CDS2: variants seen among roughly 807,000 people sequenced by gnomAD.
The protein encoded by CDS2 is CDP-diacylglycerol synthase 2.
CDS2 carries 47 observed loss-of-function variants against 59.0 expected under a neutral mutation model. The observed-to-expected ratio is 0.80, with a 90% CI of 0.63 to 1.02. The LOEUF (loss-of-function observed/expected upper bound fraction) is 1.02, where lower values mean the gene tolerates loss of function less well. Among genes scored for constraint, CDS2 ranks in the 50% least tolerant of loss-of-function variants. CDS2 has a pLI of 0.00. For missense variants in CDS2, 356 were observed against 558.9 expected, an observed-to-expected ratio of 0.64 and a Z score of 3.66; for synonymous variants, 207 against 206.4, an observed-to-expected ratio of 1.00 and a Z score of -0.02.
intron 1 of CDS2, among the ~76,000 whole-genome samples, chr20:5,137,510 T>C (rs1176513138): frequency 6.6e-6 from 1 of 152,100 alleles, no homozygotes; most frequent in African/African-American, 2.4e-5. Context: ...CCCAAAGTGC[T>C]GAGATTACAG....
chr20:5,173,292 C>T (rs2090969628), intron 1 of CDS2, among the ~76,000 whole-genome samples: 1 of 152,232 alleles, frequency 6.6e-6, no homozygotes, highest in Non-Finnish European at 1.5e-5. Context: ...GCAGATGGTA[C>T]GCGGTGCAGA....
chr20:5,132,046 T>A (rs2090611793), intron 1 of CDS2, among the ~76,000 whole-genome samples: 1 of 152,282 alleles, frequency 6.6e-6, no homozygotes, highest in African/African-American at 2.4e-5. Context: ...TTAAGGAAAG[T>A]TTTATAGAAA....
chr20:5,181,145 T>TA (rs2091030926), intron 5 of CDS2, among the ~76,000 whole-genome samples: 1 of 152,220 alleles, frequency 6.6e-6, no homozygotes, highest in Non-Finnish European at 1.5e-5. Context: ...ACCAAGCTGA[T>TA]ACGGGGTCGG....
chr20:5,186,510 T>C (rs1334075229), intron 9 of CDS2, among the ~76,000 whole-genome samples, 177 bp from the exon 10 acceptor site: 1 of 141,404 alleles, frequency 7.1e-6, no homozygotes, highest in Non-Finnish European at 1.5e-5. Context: ...CATGAGCCTC[T>C]TTTTTTTTTT....
At chr20:5,161,754 A>G (rs1196375953) in intron 1 of CDS2, among the ~76,000 whole-genome samples, 1 of 152,162 alleles carries the variant, frequency 6.6e-6, no homozygotes, top group East Asian at 1.9e-4. Context: ...CTCATTTCCC[A>G]GTTGTCTCCA....
At chr20:5,188,432 T>TTATATA (rs1215120011) in intron 10 of CDS2, among the ~76,000 whole-genome samples, 1 of 152,204 alleles carries the variant, frequency 6.6e-6, no homozygotes, top group Non-Finnish European at 1.5e-5. Context: ...TGGATTTTCT[T>TTATATA]TATATACTTC....
intron 1 of CDS2, among the ~76,000 whole-genome samples, chr20:5,163,040 G>A (rs551300268): frequency 1.2e-4 from 18 of 152,280 alleles, no homozygotes; most frequent in Non-Finnish European, 2.2e-4. Flanking sequence ...CTGGGGTAAT[G>A]GATATTTGAA....
intron 1 of CDS2, among the ~76,000 whole-genome samples, chr20:5,130,865 G>A (rs1210933474): frequency 1.3e-5 from 2 of 151,754 alleles, no homozygotes; most frequent in African/African-American, 2.4e-5. Context: ...GACGAGGCGG[G>A]TGGATCACGA....
chr20:5,146,194 G>C (rs965169151), intron 1 of CDS2, among the ~76,000 whole-genome samples: 1 of 152,074 alleles, frequency 6.6e-6, no homozygotes, highest in African/African-American at 2.4e-5. Flanking sequence ...ACATTTTTTA[G>C]TTTTGTTTTG....
rs6053180 is a variant in CDS2, at chr20:5,182,538, C to G, written c.588+93C>G. 2.0e-3 allele frequency: 2,362 copies of G among 1,155,942 alleles called. 38 individuals are homozygous for G. In the African/African-American group the frequency reaches 0.028, roughly 14 times the overall value. 71.6% of individuals were successfully genotyped at this position (1,155,942 alleles called of 1,614,324 possible). Reference sequence around the variant, plus strand: ...GCCTTTCATGCTTTCTGTGACAAATCAAAACTCAGGAACATGGTCTGATAT... The same window carrying G: ...GCCTTTCATGCTTTCTGTGACAAATGAAAACTCAGGAACATGGTCTGATAT... On this transcript the variant is annotated intron_variant, in intron 6 of 12. Coordinates refer to ENST00000460006, the MANE Select transcript of CDS2 (RefSeq NM_003818.4).
intron 4 of CDS2, among the ~76,000 whole-genome samples, chr20:5,178,326 A>C (rs181904433): frequency 4.5e-4 from 69 of 152,326 alleles, no homozygotes; most frequent in South Asian, 8.3e-4. Flanking sequence ...TTATGAATAA[A>C]ATGGCATTTG....
chr20:5,170,689 C>T (rs759810126), intron 1 of CDS2, among the ~76,000 whole-genome samples: 37 of 152,206 alleles, frequency 2.4e-4, no homozygotes, highest in Admixed American at 1.1e-3. Context: ...TCAGTAGGCC[C>T]GGCTGAGGCC....
intron 5 of CDS2, among the ~76,000 whole-genome samples, chr20:5,180,402 A>G (rs1414851600): frequency 1.3e-5 from 2 of 151,866 alleles, no homozygotes. Context: ...GCCCATTTTT[A>G]TGGTTATTTC....
intron 1 of CDS2, among the ~76,000 whole-genome samples, chr20:5,157,216 C>G (rs971916690): frequency 3.9e-5 from 6 of 152,220 alleles, no homozygotes; most frequent in African/African-American, 1.4e-4. Context: ...GTTAATCTTT[C>G]AGGAAACGGT....
At chr20:5,129,438 G>T (rs370276945) in intron 1 of CDS2, among the ~76,000 whole-genome samples, 11 of 151,176 alleles carry the variant, frequency 7.3e-5, no homozygotes, top group African/African-American at 2.7e-4. Context: ...CACCACGCTC[G>T]GCTAATTTTT....
intron 1 of CDS2, among the ~76,000 whole-genome samples, chr20:5,144,340 C>T (rs1438418510): frequency 6.6e-6 from 1 of 152,148 alleles, no homozygotes; most frequent in Non-Finnish European, 1.5e-5. Context: ...AGTTGGGTGA[C>T]ATACTCTTTT....
intron 1 of CDS2, among the ~76,000 whole-genome samples, chr20:5,169,900 G>A (rs914897069): frequency 6.6e-6 from 1 of 152,154 alleles, no homozygotes; most frequent in Non-Finnish European, 1.5e-5. Flanking sequence ...TTAGCACTTG[G>A]CCCCAGCAAG....
At chr20:5,185,880 C>A in intron 9 of CDS2, 54 bp downstream of exon 9, 1 of 1,514,684 alleles carries the variant, frequency 6.6e-7, no homozygotes, top group Admixed American at 1.7e-5. Flanking sequence ...GGCCTCATAC[C>A]ACCTTCCAAG....
At chr20:5,145,127 C>G (rs2090729356) in intron 1 of CDS2, among the ~76,000 whole-genome samples, 1 of 151,660 alleles carries the variant, frequency 6.6e-6, no homozygotes, top group African/African-American at 2.4e-5. Flanking sequence ...ACAGTAGTGT[C>G]TTGGCTCACC....
Sources: gnomAD v4.1 joint callset for allele counts (sites outside exome capture counted in the v4.1 genomes callset) on GRCh38, gnomAD v4.1.1 for gene constraint, MANE v1.5 for transcripts, NCBI Gene and HGNC (gene_info 2026-07-23, HGNC 2026-07-21) for gene names.